ADGRL3: variants seen among roughly 807,000 people sequenced by gnomAD.
ADGRL3 encodes adhesion G protein-coupled receptor L3.
A neutral mutation model predicts 153.5 loss-of-function variants in ADGRL3; 62 were observed. The observed-to-expected ratio is 0.40, with a 90% confidence interval of 0.33 to 0.50. The LOEUF (loss-of-function observed/expected upper bound fraction) is 0.50. ADGRL3 is among the 20% of genes least tolerant of loss of function. ADGRL3 has a pLI of 0.47. For missense variants in ADGRL3, 1,641 were observed against 1,859.4 expected, an observed-to-expected ratio of 0.88 and a Z score of 2.16; for synonymous variants, 710 against 672.5, an observed-to-expected ratio of 1.06 and a Z score of -0.86.
chr4:61,619,470 A>T (rs1236734765), intron 5 of ADGRL3, among the ~76,000 whole-genome samples: 1 of 151,738 alleles, frequency 6.6e-6, no homozygotes, highest in Non-Finnish European at 1.5e-5. Context: ...GAAATGTTCC[A>T]TTTTTGTTTC....
At position 61,630,128 on chromosome 4, in the gene ADGRL3, G is replaced by A. The variant is rs1213145063; in HGVS notation, c.473+42688G>A. Among the ~76,000 whole-genome samples, 5 of 152,122 alleles carry A rather than the reference G, an allele frequency of 3.3e-5. No homozygotes were observed. In the East Asian group the frequency reaches 5.8e-4, roughly 18 times the overall value. On this transcript the variant is annotated intron_variant, in intron 5 of 26. Transcript: ENST00000683033. ...GTTATTATGCTTTTCCTGGATTTTA[G>A]TGTACTGTATAGATTGGAACAGAGT...
At chr4:61,931,827 CTT>C (rs1164418459) in intron 13 of ADGRL3, among the ~76,000 whole-genome samples, 1 of 152,044 alleles carries the variant, frequency 6.6e-6, no homozygotes, top group East Asian at 1.9e-4. Flanking sequence ...TTGTTGAAAA[CTT>C]ATAACTATGA....
intron 1 of ADGRL3, among the ~76,000 whole-genome samples, chr4:61,351,264 G>A (rs943299669): frequency 1.1e-4 from 17 of 152,300 alleles, no homozygotes; most frequent in African/African-American, 3.6e-4. Flanking sequence ...TGAAGCAGCT[G>A]TAGAAGAAAA....
intron 8 of ADGRL3, among the ~76,000 whole-genome samples, chr4:61,800,845 A>ATGACAGTG (rs554631822): frequency 5.9e-5 from 9 of 152,160 alleles, no homozygotes; most frequent in Non-Finnish European, 8.8e-5. Context: ...GGATGATGTG[A>ATGACAGTG]TGACAGTGTT....
At chr4:62,058,672 G>A (rs1016496997) in intron 25 of ADGRL3, among the ~76,000 whole-genome samples, 1 of 152,036 alleles carries the variant, frequency 6.6e-6, no homozygotes, top group Non-Finnish European at 1.5e-5. Context: ...TCTTCAAACT[G>A]ACTAACCGGT....
intron 2 of ADGRL3, among the ~76,000 whole-genome samples, chr4:61,387,205 G>A (rs979274974): frequency 6.6e-6 from 1 of 152,138 alleles, no homozygotes; most frequent in Non-Finnish European, 1.5e-5. Flanking sequence ...GGAAGGGAGT[G>A]TGCGAAGAGG....
intron 8 of ADGRL3, among the ~76,000 whole-genome samples, chr4:61,751,306 T>C (rs1361692626): frequency 6.6e-6 from 1 of 152,178 alleles, no homozygotes; most frequent in Non-Finnish European, 1.5e-5. Context: ...ATCTGAACTA[T>C]GTTATTGCCC....
At chr4:61,514,704 T>G (rs2098482223) in intron 3 of ADGRL3, among the ~76,000 whole-genome samples, 1 of 152,174 alleles carries the variant, frequency 6.6e-6, no homozygotes, top group African/African-American at 2.4e-5. Context: ...TCTACTTTTT[T>G]CAATTTACAG....
At chr4:61,845,648 A>G (rs115672769) in intron 9 of ADGRL3, among the ~76,000 whole-genome samples, 3,191 of 151,554 alleles carry the variant, frequency 0.021, 116 homozygotes, top group African/African-American at 0.073. Flanking sequence ...TTATAGGTGT[A>G]AGCCACAGCA....
At chr4:61,424,517 C>A (rs1031435578) in intron 2 of ADGRL3, among the ~76,000 whole-genome samples, 1 of 152,154 alleles carries the variant, frequency 6.6e-6, no homozygotes, top group Admixed American at 6.5e-5. Flanking sequence ...GGATGCCCAC[C>A]ATCTCTGTGG....
intron 2 of ADGRL3, among the ~76,000 whole-genome samples, chr4:61,402,792 G>C (rs185260450): frequency 2.6e-5 from 4 of 151,862 alleles, no homozygotes; most frequent in Admixed American, 2.6e-4. Context: ...GAATTGGGGA[G>C]GTGCGTTTCC....
At chr4:61,349,389 G>A (rs999973907) in intron 1 of ADGRL3, among the ~76,000 whole-genome samples, 26 of 151,918 alleles carry the variant, frequency 1.7e-4, no homozygotes, top group African/African-American at 6.0e-4. Context: ...TACTTTAAAG[G>A]TAATTAAGTA....
At chr4:61,671,425 G>T (rs1021199841) in intron 5 of ADGRL3, among the ~76,000 whole-genome samples, 2 of 152,044 alleles carry the variant, frequency 1.3e-5, no homozygotes, top group African/African-American at 4.8e-5. Flanking sequence ...TAAAATTAGT[G>T]CTAATAGCTA....
intron 9 of ADGRL3, among the ~76,000 whole-genome samples, chr4:61,868,098 T>A (rs1465956714): frequency 2.0e-5 from 3 of 152,170 alleles, no homozygotes; most frequent in Non-Finnish European, 4.4e-5. Flanking sequence ...TCGTATACTT[T>A]CTTGTGGAGA....
chr4:61,995,994 T>G (rs1374593622), intron 19 of ADGRL3, among the ~76,000 whole-genome samples: 1 of 152,078 alleles, frequency 6.6e-6, no homozygotes, highest in Non-Finnish European at 1.5e-5. Flanking sequence ...GTGTATGGCT[T>G]TTTCTTTCTT....
intron 21 of ADGRL3, among the ~76,000 whole-genome samples, chr4:62,023,120 T>C (rs912015709): frequency 6.6e-6 from 1 of 152,150 alleles, no homozygotes; most frequent in Non-Finnish European, 1.5e-5. Flanking sequence ...GTAAAAATGT[T>C]AACATCAATA....
At chr4:61,966,992 T>C (rs1340951535) in intron 17 of ADGRL3, among the ~76,000 whole-genome samples, 4 of 152,082 alleles carry the variant, frequency 2.6e-5, no homozygotes, top group African/African-American at 9.7e-5. Context: ...GGTGACCAAG[T>C]TTTTAGAGAG....
At chr4:61,359,384 C>A (rs1380746243) in intron 1 of ADGRL3, among the ~76,000 whole-genome samples, 1 of 152,166 alleles carries the variant, frequency 6.6e-6, no homozygotes, top group Non-Finnish European at 1.5e-5. Context: ...TAATAGCCTA[C>A]CTACTTCTAC....
Position 61,983,530 on chromosome 4 carries a change from G to A in ADGRL3, c.3163G>A (p.Gly1055Ser), listed in dbSNP as rs774358428. ...HSRRKYFYLV[G>S]YGMPALIVAV... is the part of the protein sequence containing the mutation. The stretch of plus-strand genomic sequence containing the variant: ...ACGTAGGAAATACTTTTATCTGGTC[G>A]GCTATGGGATGCCTGCACTCATTGT... Residue 1055 changes from glycine to serine, a missense_variant, in exon 19 of 27, where the codon GGC becomes AGC. Physicochemically the swap from Gly to Ser is moderately conservative, Grantham distance 56. This residue lies in a region of ADGRL3 where 32 missense variants were observed against 66.2 expected (regional missense o/e 0.48). Transcript: ENST00000683033. 7 of 1,613,796 alleles carry A rather than the reference G, an allele frequency of 4.3e-6. No homozygotes were observed. Among genetic ancestry groups the A allele is most frequent in the East Asian group, 2.2e-5 (1 of 44,886 alleles).
Sources: allele counts gnomAD v4.1 joint callset (sites outside exome capture counted in the v4.1 genomes callset), GRCh38; gene constraint gnomAD v4.1.1; regional missense constraint gnomAD v4.1.1; transcripts MANE v1.5; gene names NCBI Gene and HGNC (gene_info 2026-07-23, HGNC 2026-07-21).